The following CLDN10 variants were observed in gnomAD, a reference collection of about 807,000 sequenced individuals.
CLDN10 encodes the protein claudin-10.
Under a neutral mutation model 22.9 loss-of-function variants are expected in CLDN10, and 15 were observed. The observed-to-expected ratio is 0.65, with a 90% confidence interval of 0.44 to 1.01. The LOEUF (loss-of-function observed/expected upper bound fraction) is 1.01. Among genes scored for constraint, CLDN10 ranks in the 50% least tolerant of loss-of-function variants. The pLI is 0.00. For missense variants in CLDN10, 247 were observed against 287.8 expected (o/e 0.86, Z 1.03); for synonymous variants, 114 against 111.4 (o/e 1.02, Z -0.15).
At chr13:95,471,440 C>CACACATATATATATAT (rs746573300) in intron 1 of CLDN10, among the ~76,000 whole-genome samples, 222 of 104,158 alleles carry the variant, frequency 2.1e-3, no homozygotes, top group Non-Finnish European at 3.3e-3. Flanking sequence ...CACACACACA[C>CACACATATATATATAT]ATATATATAT....
intron 1 of CLDN10, among the ~76,000 whole-genome samples, chr13:95,497,974 AAG>A (rs2042946105): frequency 6.6e-6 from 1 of 152,232 alleles, no homozygotes; most frequent in Non-Finnish European, 1.5e-5. Context: ...ACACAACAAA[AAG>A]AGAAACAATA....
At chr13:95,435,728 C>T (rs2042262962) in intron 1 of CLDN10, among the ~76,000 whole-genome samples, 1 of 152,102 alleles carries the variant, frequency 6.6e-6, no homozygotes, top group Non-Finnish European at 1.5e-5. Flanking sequence ...CCAGGGGCCC[C>T]TCTTGGCCCT....
At chr13:95,441,003 T>A (rs1276233985) in intron 1 of CLDN10, among the ~76,000 whole-genome samples, 1 of 152,232 alleles carries the variant, frequency 6.6e-6, no homozygotes, top group African/African-American at 2.4e-5. Context: ...TCATCCATAG[T>A]TCCTCTTTTA....
chr13:95,499,628 G>A (rs2042964164), intron 1 of CLDN10, among the ~76,000 whole-genome samples: 1 of 152,218 alleles, frequency 6.6e-6, no homozygotes, highest in Non-Finnish European at 1.5e-5. Context: ...GGCAGACTGA[G>A]CGATCCAGAC....
intron 1 of CLDN10, among the ~76,000 whole-genome samples, chr13:95,436,128 CAG>C (rs2042268632): frequency 1.3e-5 from 2 of 152,260 alleles, no homozygotes; most frequent in South Asian, 4.2e-4. Context: ...CACATCATCA[CAG>C]AGTTAGGCAT....
At chr13:95,532,251 A>G (rs993099560) in intron 1 of CLDN10, among the ~76,000 whole-genome samples, 2 of 152,196 alleles carry the variant, frequency 1.3e-5, no homozygotes, top group African/African-American at 4.8e-5. Context: ...GAACATATTC[A>G]CTAAGAATGT....
At chr13:95,459,781 C>G (rs775606441) in intron 1 of CLDN10, among the ~76,000 whole-genome samples, 28 of 152,200 alleles carry the variant, frequency 1.8e-4, no homozygotes, top group Non-Finnish European at 3.5e-4. Context: ...CAAATTTTTC[C>G]AGCCTGCTTG....
chr13:95,557,903 G>A (rs540386025), intron 1 of CLDN10, among the ~76,000 whole-genome samples: 10 of 152,278 alleles, frequency 6.6e-5, no homozygotes, highest in African/African-American at 2.4e-4. Context: ...TTATCATCTG[G>A]GAAATGCATT....
At position 95,448,362 on chromosome 13, in the gene CLDN10, C is replaced by T. The variant is rs552382752; in HGVS notation, c.214+14315C>T. On this transcript the variant is annotated intron_variant, in intron 1 of 4. Coordinates refer to the CLDN10 transcript ENST00000376873. ...GCATTCACCATACAGGCAGGCACCC[C>T]ACACACATATACACCCATTGACCCA... is the stretch of plus-strand genomic sequence containing the variant. 7.5e-4 allele frequency among the ~76,000 whole-genome samples: 114 copies of T among 152,316 alleles called. 3 individuals carry two copies. Among genetic ancestry groups the T allele is most frequent in the Admixed American group, 6.6e-3 (101 of 15,292 alleles).
chr13:95,464,731 T>C (rs1263479340), intron 1 of CLDN10, among the ~76,000 whole-genome samples: 2 of 132,954 alleles, frequency 1.5e-5, no homozygotes, highest in African/African-American at 5.1e-5. Context: ...AAAGATACTG[T>C]GTTTTTGCTT....
chr13:95,434,562 T>A (rs542259716), intron 1 of CLDN10, among the ~76,000 whole-genome samples: 2 of 149,718 alleles, frequency 1.3e-5, no homozygotes, highest in South Asian at 2.1e-4. Flanking sequence ...TATGCACACA[T>A]GTGTGTATAT....
intron 1 of CLDN10, among the ~76,000 whole-genome samples, chr13:95,475,841 T>C: frequency 6.6e-6 from 1 of 151,884 alleles, no homozygotes; most frequent in Non-Finnish European, 1.5e-5. Context: ...TTTCCCTCTC[T>C]CTCTCTCTCT....
chr13:95,560,985 C>T (rs1300487896), intron 3 of CLDN10: 1 of 153,172 alleles, frequency 6.5e-6, no homozygotes, highest in Non-Finnish European at 1.5e-5. Flanking sequence ...GAGCACGGCA[C>T]CTTTACCCAA....
chr13:95,446,648 C>T (rs1294490902), intron 1 of CLDN10, among the ~76,000 whole-genome samples: 1 of 152,322 alleles, frequency 6.6e-6, no homozygotes, highest in East Asian at 1.9e-4. Context: ...CTGAGACTAG[C>T]CTGGCCAACA....
intron 1 of CLDN10, among the ~76,000 whole-genome samples, chr13:95,546,630 G>A (rs2043512312): frequency 6.6e-6 from 1 of 152,176 alleles, no homozygotes; most frequent in Admixed American, 6.5e-5. Flanking sequence ...GAGCCACGTG[G>A]TAACTTGGGA....
At chr13:95,526,430 C>T (rs556437128) in intron 1 of CLDN10, among the ~76,000 whole-genome samples, 1 of 152,238 alleles carries the variant, frequency 6.6e-6, no homozygotes, top group African/African-American at 2.4e-5. Flanking sequence ...AGCCATTTTA[C>T]TAGGGAAACT....
chr13:95,496,500 T>TA, intron 1 of CLDN10, among the ~76,000 whole-genome samples: 1 of 152,316 alleles, frequency 6.6e-6, no homozygotes, highest in East Asian at 1.9e-4. Context: ...AGGCTGCGAT[T>TA]ACAAAATACC....
chr13:95,434,100 A>G, intron 1 of CLDN10: 2 of 1,506,480 alleles, frequency 1.3e-6, no homozygotes, highest in Non-Finnish European at 1.8e-6. Flanking sequence ...TTTCCCCCCG[A>G]CTGTGCTGAA....
chr13:95,442,696 G>A (rs1226112327), intron 1 of CLDN10, among the ~76,000 whole-genome samples: 8 of 152,182 alleles, frequency 5.3e-5, no homozygotes. Flanking sequence ...AGTATTCTTA[G>A]TTCTGAGGGC....
Sources: gnomAD v4.1 joint callset for allele counts (sites outside exome capture counted in the v4.1 genomes callset) on GRCh38, gnomAD v4.1.1 for gene constraint, MANE v1.5 for transcripts, NCBI Gene and HGNC (gene_info 2026-07-23, HGNC 2026-07-21) for gene names.